The following RBFOX1 variants were observed in gnomAD, a reference collection of about 807,000 sequenced individuals.
RBFOX1 encodes the protein RNA binding protein fox-1 homolog 1.
In RBFOX1, 8 loss-of-function variants were observed where a neutral mutation model predicts 57.7. The ratio of observed to expected loss-of-function variants is 0.14; its 90% CI spans 0.08 to 0.25. RBFOX1 has a LOEUF of 0.25. Ranked by LOEUF, RBFOX1 falls within the 10% of genes least tolerant of loss-of-function variation. RBFOX1 has a pLI of 1.00. For synonymous variants in RBFOX1, 326 were observed against 222.4 expected (o/e 1.47, Z -4.15); for missense variants, 611 against 548.5 (o/e 1.11, Z -1.14).
chr16:5,633,127 C>T (rs1291787394), intron 3 of RBFOX1, among the ~76,000 whole-genome samples: 4 of 151,898 alleles, frequency 2.6e-5, no homozygotes, highest in South Asian at 4.2e-4. Context: ...TTAATAGAGA[C>T]GGAATTTCGC....
intron 2 of RBFOX1, among the ~76,000 whole-genome samples, chr16:6,589,065 C>T (rs1233936942): frequency 6.6e-6 from 1 of 151,486 alleles, no homozygotes; most frequent in African/African-American, 2.4e-5. Flanking sequence ...ATAGTAGTGA[C>T]ATGATGCTTT....
At chr16:5,541,700 A>C (rs576339985) in intron 2 of RBFOX1, among the ~76,000 whole-genome samples, 1 of 152,236 alleles carries the variant, frequency 6.6e-6, no homozygotes, top group African/African-American at 2.4e-5. Flanking sequence ...GGGGGCCCTA[A>C]GATTTATTTT....
intron 10 of RBFOX1, among the ~76,000 whole-genome samples, 162 bp downstream of exon 10, chr16:7,607,500 T>C (rs529687733): frequency 6.6e-6 from 1 of 152,306 alleles, no homozygotes; most frequent in Non-Finnish European, 1.5e-5. Flanking sequence ...CTTAAAACAG[T>C]TTAAAAATTA....
At chr16:6,747,450 G>GTCTGTCTGTC (rs1555766696) in intron 3 of RBFOX1, among the ~76,000 whole-genome samples, 1 of 143,512 alleles carries the variant, frequency 7.0e-6, no homozygotes, top group Non-Finnish European at 1.5e-5. Flanking sequence ...CAGTTAGTCT[G>GTCTGTCTGTC]TCTGTCTGTC....
At chr16:6,650,923 A>T (rs750294937) in intron 2 of RBFOX1, among the ~76,000 whole-genome samples, 3 of 151,998 alleles carry the variant, frequency 2.0e-5, no homozygotes, top group Admixed American at 2.0e-4. Flanking sequence ...GTTTTTTGGA[A>T]ACAGAGTCTC....
rs1357727819 is a variant in RBFOX1, at chr16:6,926,281, T to G, written c.-15-125776T>G. On this transcript the variant is annotated intron_variant, in intron 3 of 15. Coordinates refer to ENST00000550418, the MANE Select transcript of RBFOX1 (RefSeq NM_018723.4). The stretch of plus-strand genomic sequence containing the variant: ...GAGATCACACCACTGCGCTACAGCC[T>G]GGGCAACAGAGCAAGACTCCATCTC... Among the ~76,000 whole-genome samples, 5 of 152,230 alleles carry G rather than the reference T, an allele frequency of 3.3e-5. No individual in the cohort carries two copies. In the East Asian group the frequency reaches 5.8e-4, roughly 18 times the overall value.
intron 2 of RBFOX1, among the ~76,000 whole-genome samples, chr16:6,559,890 C>G (rs1462307798): frequency 6.6e-6 from 1 of 152,090 alleles, no homozygotes; most frequent in Non-Finnish European, 1.5e-5. Flanking sequence ...AAACAAGAAC[C>G]TCTGGTTCCT....
intron 3 of RBFOX1, among the ~76,000 whole-genome samples, chr16:5,765,179 C>A (rs540228015): frequency 5.7e-4 from 87 of 152,168 alleles, no homozygotes; most frequent in Non-Finnish European, 8.7e-4. Flanking sequence ...AGTAGGTAAA[C>A]TTAAAGAATA....
intron 14 of RBFOX1, among the ~76,000 whole-genome samples, chr16:7,685,542 G>A (rs183029518): frequency 2.2e-4 from 34 of 152,150 alleles, no homozygotes; most frequent in East Asian, 1.7e-3. Context: ...GGAAAGCATG[G>A]TACTAATTAG....
intron 1 of RBFOX1, among the ~76,000 whole-genome samples, chr16:5,292,153 C>G (rs764113274): frequency 1.4e-4 from 22 of 152,144 alleles, no homozygotes; most frequent in Non-Finnish European, 2.8e-4. Context: ...ATCTGCATTG[C>G]TGGGAGGGAG....
At chr16:7,072,731 C>A (rs144338816) in intron 4 of RBFOX1, among the ~76,000 whole-genome samples, 1 of 152,314 alleles carries the variant, frequency 6.6e-6, no homozygotes, top group Non-Finnish European at 1.5e-5. Flanking sequence ...TATGAAGCAT[C>A]ATTTTCAGGC....
intron 3 of RBFOX1, among the ~76,000 whole-genome samples, chr16:6,909,713 G>A (rs962318007): frequency 7.9e-5 from 12 of 152,190 alleles, no homozygotes; most frequent in East Asian, 7.7e-4. Flanking sequence ...ATGCTAAGTC[G>A]TGGCAGTCAC....
intron 1 of RBFOX1, among the ~76,000 whole-genome samples, chr16:5,365,488 T>G (rs1031910372): frequency 1.3e-5 from 2 of 152,202 alleles, no homozygotes; most frequent in East Asian, 3.9e-4. Context: ...GCCAACCTGG[T>G]GAAACCCTCA....
At chr16:5,562,986 G>C (rs914714917) in intron 2 of RBFOX1, among the ~76,000 whole-genome samples, 2 of 152,266 alleles carry the variant, frequency 1.3e-5, no homozygotes, top group South Asian at 2.1e-4. Flanking sequence ...GTCTCGCTTT[G>C]TCACCCAGGC....
chr16:6,629,959 G>GTTTT (rs544517566), intron 2 of RBFOX1, among the ~76,000 whole-genome samples: 11 of 134,436 alleles, frequency 8.2e-5, no homozygotes, highest in Admixed American at 1.5e-4. Context: ...ATTTCGGTAG[G>GTTTT]TTTTTTTTTT....
At chr16:7,445,007 G>A (rs2098797381) in intron 4 of RBFOX1, among the ~76,000 whole-genome samples, 1 of 137,142 alleles carries the variant, frequency 7.3e-6, no homozygotes, top group Non-Finnish European at 1.7e-5. Context: ...ACTTTGAAGT[G>A]TTTGTTTTTT....
intron 4 of RBFOX1, among the ~76,000 whole-genome samples, chr16:7,134,750 T>C (rs1406094109): frequency 2.0e-5 from 3 of 152,176 alleles, no homozygotes; most frequent in African/African-American, 7.2e-5. Flanking sequence ...CTGCTGTAGA[T>C]GGCTTGTGTG....
At chr16:7,008,471 C>G (rs1046725421) in intron 3 of RBFOX1, among the ~76,000 whole-genome samples, 4 of 151,868 alleles carry the variant, frequency 2.6e-5, no homozygotes, top group African/African-American at 9.7e-5. Flanking sequence ...ACCTAGGAAG[C>G]AAAGGTTGCA....
rs761520199 is a variant in RBFOX1 at position 7,587,228 on chromosome 16, T to C, written c.415-19T>C. 41 of 1,535,962 alleles carry C rather than the reference T, an allele frequency of 2.7e-5. No individual in the cohort carries two copies. The highest frequency in any genetic ancestry group is 9.4e-5 in the East Asian group (4 of 42,566). ...TGCATTTCTCTTCTTGCTTATAAGA[T>C]ATTTCTATTTCTTTGCAGCAATTTG... is the stretch of plus-strand genomic sequence containing the variant. On this transcript the variant is annotated intron_variant, in intron 6 of 15. Transcript: ENST00000550418.
Sources: allele counts gnomAD v4.1 joint callset (sites outside exome capture counted in the v4.1 genomes callset), GRCh38; gene constraint gnomAD v4.1.1; transcripts MANE v1.5; gene names NCBI Gene and HGNC (gene_info 2026-07-23, HGNC 2026-07-21).